ADCY3: variants seen among roughly 807,000 people sequenced by gnomAD.
ADCY3 encodes the protein adenylate cyclase 3, also known as adenylate cyclase type 3.
A neutral mutation model predicts 119.4 loss-of-function variants in ADCY3; 70 were observed. The ratio of observed to expected loss-of-function variants is 0.59; its 90% CI spans 0.48 to 0.72. ADCY3 has a LOEUF of 0.72. Ranked by LOEUF, ADCY3 falls within the 30% of genes least tolerant of loss-of-function variation. The probability of loss-of-function intolerance (pLI) is 0.00; values close to 1 mark genes in which losing one functional copy is unlikely to be tolerated. For missense variants in ADCY3, 1,238 were observed against 1,541.6 expected, an observed-to-expected ratio of 0.80 and a Z score of 3.30; for synonymous variants, 672 against 621.4, an observed-to-expected ratio of 1.08 and a Z score of -1.21.
intron 3 of ADCY3, among the ~76,000 whole-genome samples, chr2:24,863,506 T>C (rs1673929243): frequency 6.6e-6 from 1 of 152,170 alleles, no homozygotes; most frequent in African/African-American, 2.4e-5. Context: ...TTCATAGATA[T>C]CTATTCCATT....
At chr2:24,832,738 A>G (rs1228322689) in intron 11 of ADCY3, among the ~76,000 whole-genome samples, 3 of 152,150 alleles carry the variant, frequency 2.0e-5, no homozygotes, top group Non-Finnish European at 4.4e-5. Context: ...TGGTGATGCC[A>G]GGTTCACGTC....
rs1668525054 is a variant in ADCY3 at position 24,825,721 on chromosome 2, G to A, written c.2577+324C>T. On this transcript the variant is annotated intron_variant, in intron 16 of 21. Transcript: ENST00000679454. ...AATGTCCCTCAGCGCCACGGGGAGT[G>A]CGGGGGCCATGAGCCCCTGGCCTAG... is the stretch of plus-strand genomic sequence containing the variant. 8 of 330,990 alleles carry A rather than the reference G, an allele frequency of 2.4e-5. No homozygotes were observed. The South Asian group carries it at 2.5e-4, about 10-fold the overall frequency. The allele number at this position is 330,990 out of a possible 1,614,324, so 20.5% of individuals were successfully genotyped here. A position where few individuals can be genotyped will look rare whatever the true frequency, so the allele number is the denominator to read the frequency against.
intron 8 of ADCY3, among the ~76,000 whole-genome samples, chr2:24,838,044 C>G (rs545160136): frequency 7.9e-5 from 12 of 151,464 alleles, no homozygotes; most frequent in Admixed American, 2.0e-4. Context: ...CCTCCTCCCC[C>G]ATGACCAGTC....
At chr2:24,837,560 T>C (rs1179173459) in intron 8 of ADCY3, among the ~76,000 whole-genome samples, 1 of 152,288 alleles carries the variant, frequency 6.6e-6, no homozygotes, top group African/African-American at 2.4e-5. Context: ...GCCTCAGCCA[T>C]AGAGCAGTCT....
chr2:24,895,628 CT>C (rs921200012), intron 2 of ADCY3, among the ~76,000 whole-genome samples: 89 of 145,916 alleles, frequency 6.1e-4, no homozygotes, highest in East Asian at 3.4e-3. Context: ...CTTTCTTCTT[CT>C]TTTTTTTTTT....
intron 3 of ADCY3, among the ~76,000 whole-genome samples, chr2:24,845,765 C>G (rs564282250): frequency 2.6e-5 from 4 of 152,334 alleles, no homozygotes; most frequent in African/African-American, 9.6e-5. Flanking sequence ...ATGTCAGAGA[C>G]CTTTGCGGCA....
intron 3 of ADCY3, among the ~76,000 whole-genome samples, chr2:24,863,155 A>T (rs1480502566): frequency 2.0e-5 from 3 of 152,206 alleles, no homozygotes; most frequent in Admixed American, 1.3e-4. Context: ...TGAAGGATAC[A>T]AAGTATTGAT....
rs773424206 is a variant in ADCY3 at position 24,837,008 on chromosome 2, C to G, written c.1571G>C (p.Ser524Thr). 31 of 1,613,948 alleles carry G rather than the reference C, an allele frequency of 1.9e-5. No homozygotes were observed. The highest frequency in any genetic ancestry group is 3.3e-5 in the Admixed American group (2 of 59,986). The change falls in exon 9 of 22, where the codon AGC becomes ACC. Residue 524 changes from serine (S) to threonine (T), a missense_variant. By Grantham distance (58) the Ser-to-Thr change is moderately conservative. This residue lies in a region of ADCY3 where 499 missense variants were observed against 571.0 expected (regional missense o/e 0.87). Transcript: ENST00000679454. ...CTTGGTCTCAATGAGGGCAGGGGAG[C>G]TGGACTTTGAGGAAGCTGGTGCTCC... ...PNGAPASSKS[S>T]SPALIETKEP...
intron 11 of ADCY3, among the ~76,000 whole-genome samples, chr2:24,833,971 AGT>A (rs1485473584): frequency 6.6e-6 from 1 of 151,948 alleles, no homozygotes; most frequent in Non-Finnish European, 1.5e-5. Context: ...AGAACAAGAG[AGT>A]GGTCGTCACC....
At chr2:24,838,785 G>A in intron 7 of ADCY3, 163 bp from the exon 8 acceptor site, 4 of 1,594,474 alleles carry the variant, frequency 2.5e-6, no homozygotes, top group Non-Finnish European at 3.4e-6. Flanking sequence ...CTAACTAGCT[G>A]TGTGGGCCGC....
rs1459604524 is a variant in ADCY3 at position 24,911,641 on chromosome 2, A to ACACACACACACACACACAC, written c.675+6671_675+6672insGTGTGTGTGTGTGTGTGTG. 4.1e-3 allele frequency among the ~76,000 whole-genome samples: 236 copies of ACACACACACACACACACAC among 58,058 alleles called. 4 individuals carry two copies. The highest frequency in any genetic ancestry group is 0.012 in the African/African-American group (210 of 17,064). 38.1% of individuals were successfully genotyped at this position (58,058 alleles called of 152,430 possible). A position where few individuals can be genotyped will look rare whatever the true frequency, so the allele number is the denominator to read the frequency against. On this transcript the variant is annotated intron_variant, in intron 2 of 21. Transcript: ENST00000679454. Reference sequence around the variant, plus strand: ...CTCCAGCCTGGGAGACAGACTCAAAAAAAAAAAAAAAAAAAAACACACACA... The same window carrying ACACACACACACACACACAC: ...CTCCAGCCTGGGAGACAGACTCAAAACACACACACACACACACACAAAAAAAAAAAAAAAAACACACACA...
intron 2 of ADCY3, among the ~76,000 whole-genome samples, chr2:24,900,277 G>A (rs567533378): frequency 2.8e-5 from 4 of 143,430 alleles, no homozygotes; most frequent in Admixed American, 7.0e-5. Flanking sequence ...CCCAGGAGGC[G>A]AAGGTTGCAG....
intron 3 of ADCY3, among the ~76,000 whole-genome samples, chr2:24,850,137 G>A (rs552193134): frequency 2.9e-4 from 44 of 151,942 alleles, no homozygotes; most frequent in Non-Finnish European, 4.7e-4. Flanking sequence ...CCTCTCCAGA[G>A]AGCCCCTGGC....
chr2:24,839,054 TGCCTCAG>T, intron 7 of ADCY3: 1 of 404,812 alleles, frequency 2.5e-6, no homozygotes, highest in East Asian at 7.2e-5. Context: ...GCAATTCTCC[TGCCTCAG>T]CCTCCAGAGT....
chr2:24,847,691 C>T (rs1462745641), intron 3 of ADCY3, among the ~76,000 whole-genome samples: 4 of 152,196 alleles, frequency 2.6e-5, no homozygotes, highest in Admixed American at 6.5e-5. Context: ...CGTCTCGGAA[C>T]CTAACTAACC....
chr2:24,827,507 CTG>C, intron 15 of ADCY3, 37 bp downstream of exon 15: 1 of 1,560,718 alleles, frequency 6.4e-7, no homozygotes, highest in Non-Finnish European at 8.7e-7. Flanking sequence ...AGAAGAAGGG[CTG>C]TGAGTGCAGG....
intron 2 of ADCY3, among the ~76,000 whole-genome samples, chr2:24,884,637 C>T (rs1218138562): frequency 4.0e-5 from 6 of 151,884 alleles, no homozygotes; most frequent in Non-Finnish European, 7.4e-5. Context: ...CCACCACGCC[C>T]GGCTAATTTT....
chr2:24,840,896 G>A (rs528316621), intron 6 of ADCY3, among the ~76,000 whole-genome samples: 1 of 152,358 alleles, frequency 6.6e-6, no homozygotes, highest in Non-Finnish European at 1.5e-5. Flanking sequence ...GGGGGTCACG[G>A]TGAGAAAACA....
At chr2:24,873,631 C>A (rs1675300166) in intron 2 of ADCY3, among the ~76,000 whole-genome samples, 1 of 152,222 alleles carries the variant, frequency 6.6e-6, no homozygotes, top group Non-Finnish European at 1.5e-5. Context: ...CTGGCTGCTG[C>A]TACTCCAATC....
Sources: allele counts gnomAD v4.1 joint callset (sites outside exome capture counted in the v4.1 genomes callset), GRCh38; gene constraint gnomAD v4.1.1; regional missense constraint gnomAD v4.1.1; transcripts MANE v1.5; gene names NCBI Gene and HGNC (gene_info 2026-07-23, HGNC 2026-07-21).